Variants in MICU3 observed in about 807,000 individuals in gnomAD.
MICU3 encodes mitochondrial calcium uptake 3.
In MICU3, 62 loss-of-function variants were observed where a neutral mutation model predicts 66.5. That is an observed-to-expected ratio of 0.93 (90% CI 0.76 to 1.15). The LOEUF is 1.15. MICU3 is among the 50% of genes most tolerant of loss of function. MICU3 has a pLI of 0.00. For missense variants in MICU3, 779 were observed against 664.4 expected, an observed-to-expected ratio of 1.17 and a Z score of -1.90; for synonymous variants, 308 against 240.7, an observed-to-expected ratio of 1.28 and a Z score of -2.59.
chr8:17,082,681 C>T (rs562624139), intron 5 of MICU3, among the ~76,000 whole-genome samples: 139 of 152,132 alleles, frequency 9.1e-4, no homozygotes, highest in Middle Eastern at 6.8e-3. Flanking sequence ...AGTGGAATTT[C>T]CAGTTGTGGA....
chr8:17,031,900 T>TCATTATCTGA (rs1193522453), intron 1 of MICU3, among the ~76,000 whole-genome samples: 1 of 152,218 alleles, frequency 6.6e-6, no homozygotes. Flanking sequence ...TACTTTCAGA[T>TCATTATCTGA]AATGTCTTTT....
At chr8:17,089,729 G>C (rs1799845371) in intron 7 of MICU3, among the ~76,000 whole-genome samples, 1 of 151,924 alleles carries the variant, frequency 6.6e-6, no homozygotes, top group Admixed American at 6.6e-5. Context: ...GGCATTAGGA[G>C]TAATGACCAC....
chr8:17,061,444 G>A (rs934444545), intron 1 of MICU3, among the ~76,000 whole-genome samples: 7 of 152,154 alleles, frequency 4.6e-5, no homozygotes, highest in African/African-American at 1.7e-4. Context: ...GGGATTGTTA[G>A]ACTATGCTTA....
intron 1 of MICU3, among the ~76,000 whole-genome samples, chr8:17,034,589 C>A (rs1358023794): frequency 6.6e-6 from 1 of 152,146 alleles, no homozygotes; most frequent in Non-Finnish European, 1.5e-5. Flanking sequence ...GTAAAAGTAT[C>A]AACATTAGTA....
the MICU3 span, among the ~76,000 whole-genome samples, chr8:17,130,429 A>C: frequency 6.6e-6 from 1 of 152,100 alleles, no homozygotes. Context: ...AGGCCAAGGC[A>C]GAAGAATCAC....
chr8:17,133,975 T>C, the MICU3 span, among the ~76,000 whole-genome samples: 1 of 152,220 alleles, frequency 6.6e-6, no homozygotes, highest in Non-Finnish European at 1.5e-5. Context: ...CCATCTTCAA[T>C]AGCCACATGT....
At chr8:17,056,194 G>A (rs190566038) in intron 1 of MICU3, among the ~76,000 whole-genome samples, 266 of 152,178 alleles carry the variant, frequency 1.7e-3, no homozygotes, top group Middle Eastern at 6.8e-3. Context: ...AATTCCCCAG[G>A]GACTACATTT....
chr8:17,035,000 T>C (rs891282949), intron 1 of MICU3, among the ~76,000 whole-genome samples: 31 of 152,240 alleles, frequency 2.0e-4, no homozygotes, highest in African/African-American at 7.2e-4. Flanking sequence ...TGGGAGGTGA[T>C]TGAATCATGG....
intron 1 of MICU3, among the ~76,000 whole-genome samples, chr8:17,041,594 T>C (rs1267356641): frequency 6.9e-6 from 1 of 145,262 alleles, no homozygotes; most frequent in Non-Finnish European, 1.5e-5. Flanking sequence ...ATGGAATTGA[T>C]TTTTTTTTTT....
intron 1 of MICU3, among the ~76,000 whole-genome samples, chr8:17,061,892 C>T (rs775041385): frequency 2.6e-5 from 4 of 152,262 alleles, no homozygotes; most frequent in Admixed American, 1.3e-4. Context: ...GTCTCACCCA[C>T]GGCAGGGCCA....
intron 11 of MICU3, among the ~76,000 whole-genome samples, chr8:17,113,343 G>A (rs1430459407): frequency 1.3e-5 from 2 of 152,188 alleles, no homozygotes; most frequent in Non-Finnish European, 2.9e-5. Flanking sequence ...AGCTCCTCTT[G>A]TCCAAATGTG....
intron 11 of MICU3, among the ~76,000 whole-genome samples, chr8:17,110,792 G>T (rs1000089830): frequency 2.6e-5 from 4 of 151,582 alleles, no homozygotes; most frequent in South Asian, 2.1e-4. Flanking sequence ...GCCTAGACTT[G>T]TCTCAAACTC....
intron 1 of MICU3, 108 bp downstream of exon 1, chr8:17,027,768 G>A: frequency 8.2e-7 from 1 of 1,216,460 alleles, no homozygotes; most frequent in Non-Finnish European, 1.0e-6. Flanking sequence ...GGCCGCGGGT[G>A]AGGAACTTCC....
chr8:17,038,742 A>G (rs1351796052), intron 1 of MICU3, among the ~76,000 whole-genome samples: 1 of 152,122 alleles, frequency 6.6e-6, no homozygotes, highest in Non-Finnish European at 1.5e-5. Flanking sequence ...TCATGAGGTC[A>G]GGAGATTGAT....
intron 6 of MICU3, among the ~76,000 whole-genome samples, chr8:17,085,726 T>C (rs1799399214): frequency 6.6e-6 from 1 of 152,092 alleles, no homozygotes; most frequent in Non-Finnish European, 1.5e-5. Flanking sequence ...CTCTTTTCTC[T>C]TCCACTTACT....
At chr8:17,093,525 C>T (rs1017589919) in intron 8 of MICU3, among the ~76,000 whole-genome samples, 15 of 151,824 alleles carry the variant, frequency 9.9e-5, no homozygotes, top group African/African-American at 3.6e-4. Flanking sequence ...TTTAAATCTT[C>T]TCTGTCATTA....
chr8:17,034,104 G>A (rs1812559232), intron 1 of MICU3, among the ~76,000 whole-genome samples: 2 of 152,308 alleles, frequency 1.3e-5, no homozygotes, highest in South Asian at 4.1e-4. Context: ...TGAAGTTGAA[G>A]GCAGTGCTCA....
At chr8:17,113,498 C>T (rs565827955) in intron 11 of MICU3, among the ~76,000 whole-genome samples, 1 of 152,194 alleles carries the variant, frequency 6.6e-6, no homozygotes, top group Non-Finnish European at 1.5e-5. Context: ...CCCACACCAG[C>T]CCAGTGTGGA....
At chr8:17,117,745 A>AC (rs1802820763) in intron 13 of MICU3, among the ~76,000 whole-genome samples, 2 of 150,910 alleles carry the variant, frequency 1.3e-5, no homozygotes, top group Non-Finnish European at 2.9e-5. Context: ...AGTGGCTGGG[A>AC]TTACAGGTGT....
Sources: gnomAD v4.1 joint callset for allele counts (sites outside exome capture counted in the v4.1 genomes callset) on GRCh38, gnomAD v4.1.1 for gene constraint, MANE v1.5 for transcripts, NCBI Gene and HGNC (gene_info 2026-07-23, HGNC 2026-07-21) for gene names.